Variants in ZC4H2 observed in about 807,000 individuals in gnomAD.
The protein encoded by ZC4H2 is zinc finger C4H2-type containing.
For missense variants in ZC4H2, 137 were observed against 173.9 expected (o/e 0.79, Z 1.19); for synonymous variants, 84 against 66.3 (o/e 1.27, Z -1.30).
chrX:64,991,170 T>C (rs1932300989), intron 1 of ZC4H2, among the ~76,000 whole-genome samples: 1 of 111,780 alleles, frequency 8.9e-6, no homozygotes, highest in South Asian at 3.7e-4. Flanking sequence ...GAAAATTCAG[T>C]GTAGCTGAAA....
At position 64,965,715 on chromosome X, in the gene ZC4H2, C is replaced by T. The variant is rs757553509; in HGVS notation, c.53+10610G>A. On this transcript the variant is annotated intron_variant, in intron 1 of 4. Transcript: ENST00000374839. ...CTTTGGGAAGCCATGGCGGGAGGAT[C>T]GCTTGAGCCCAGGAGTTCAAGACCA... Among the ~76,000 whole-genome samples the T allele has an allele frequency of 3.6e-5, 4 of 110,168 alleles. No homozygotes were observed. In the South Asian group the frequency reaches 1.2e-3, roughly 32 times the overall value.
intron 1 of ZC4H2, among the ~76,000 whole-genome samples, chrX:64,949,238 G>T (rs757310162): frequency 6.3e-4 from 70 of 111,788 alleles, no homozygotes; most frequent in African/African-American, 2.0e-3. Flanking sequence ...GACAATAAAA[G>T]ATTTTTCTTT....
intron 1 of ZC4H2, among the ~76,000 whole-genome samples, chrX:64,975,448 C>T (rs1434884391): frequency 1.8e-5 from 2 of 111,845 alleles, no homozygotes; most frequent in Non-Finnish European, 3.8e-5. Context: ...TCTCAGAAAA[C>T]ACTCCAGGGA....
intron 1 of ZC4H2, among the ~76,000 whole-genome samples, chrX:64,961,947 C>T (rs1029306015): frequency 8.1e-5 from 9 of 111,291 alleles, no homozygotes; most frequent in Admixed American, 1.9e-4. Context: ...AAGAAAAGGC[C>T]AGGACCAGCT....
upstream of ZC4H2, chrX:64,976,680 G>T (rs1007659939): frequency 1.9e-5 from 6 of 312,421 alleles, no homozygotes; most frequent in Admixed American, 1.0e-4. Context: ...AAGGAATGGG[G>T]ATATTCGTCT....
At chrX:65,003,455 GAC>G (rs1932590224) in intron 1 of ZC4H2, among the ~76,000 whole-genome samples, 1 of 111,459 alleles carries the variant, frequency 9.0e-6, no homozygotes, top group African/African-American at 3.3e-5. Context: ...AAGAGATAGA[GAC>G]ACAAAAAAAC....
At chrX:65,002,991 C>A (rs1932575730) in intron 1 of ZC4H2, among the ~76,000 whole-genome samples, 1 of 109,621 alleles carries the variant, frequency 9.1e-6, no homozygotes, top group African/African-American at 3.3e-5. Flanking sequence ...CTGACCTTCC[C>A]TCCACTATTG....
intron 1 of ZC4H2, among the ~76,000 whole-genome samples, chrX:64,940,326 T>A (rs1269265180): frequency 9.0e-6 from 1 of 111,433 alleles, no homozygotes; most frequent in African/African-American, 3.3e-5. Context: ...GATGGATAGA[T>A]TGTAAAAATT....
chrX:64,976,201 C>A, intron 1 of ZC4H2, 124 bp downstream of exon 1: 1 of 776,290 alleles, frequency 1.3e-6, no homozygotes, highest in Admixed American at 2.3e-5. Context: ...ACCTCTCCGG[C>A]AAGTCTGTGG....
chrX:64,943,850 A>C (rs188851267), intron 1 of ZC4H2, among the ~76,000 whole-genome samples: 1 of 111,483 alleles, frequency 9.0e-6, no homozygotes. Context: ...TAATATTGTT[A>C]TGAGTGAATC....
chrX:64,928,791 T>TTTCTTCTCCTTC (rs200029416), intron 1 of ZC4H2, among the ~76,000 whole-genome samples: 1 of 98,828 alleles, frequency 1.0e-5, no homozygotes, highest in Non-Finnish European at 2.1e-5. Flanking sequence ...TCTTCTTCTT[T>TTTCTTCTCCTTC]TTCTTCTCCT....
intron 1 of ZC4H2, among the ~76,000 whole-genome samples, chrX:64,998,214 C>T (rs1020361340): frequency 1.8e-5 from 2 of 111,478 alleles, no homozygotes; most frequent in Non-Finnish European, 3.8e-5. Context: ...AATGAAAAGG[C>T]AGAGATTGGC....
chrX:64,930,093 T>C (rs1929673674), intron 1 of ZC4H2, among the ~76,000 whole-genome samples: 1 of 111,334 alleles, frequency 9.0e-6, no homozygotes, highest in African/African-American at 3.3e-5. Context: ...ACCTCCTTGG[T>C]TATTTCTAAA....
chrX:65,021,755 T>C (rs1338704362), intron 1 of ZC4H2, among the ~76,000 whole-genome samples: 1 of 110,610 alleles, frequency 9.0e-6, no homozygotes, highest in Admixed American at 9.6e-5. Context: ...TTTGAAAAGA[T>C]TAACAAAATA....
At chrX:64,953,644 C>T (rs999770566) in intron 1 of ZC4H2, among the ~76,000 whole-genome samples, 7 of 110,786 alleles carry the variant, frequency 6.3e-5, no homozygotes, top group African/African-American at 1.3e-4. Flanking sequence ...ACCAGAATGG[C>T]GATCATTAAA....
intron 1 of ZC4H2, among the ~76,000 whole-genome samples, chrX:64,940,016 T>A (rs1930195637): frequency 9.0e-6 from 1 of 110,716 alleles, no homozygotes; most frequent in Non-Finnish European, 1.9e-5. Context: ...TGGGAGAAAA[T>A]TTTTGCAATT....
At chrX:64,972,594 T>C (rs1031802383) in intron 1 of ZC4H2, among the ~76,000 whole-genome samples, 2 of 111,795 alleles carry the variant, frequency 1.8e-5, no homozygotes, top group Admixed American at 9.5e-5. Context: ...GTGCATGCCA[T>C]GTGAATAGGA....
At chrX:64,979,517 T>C (rs1602435506), upstream of ZC4H2, among the ~76,000 whole-genome samples, 1 of 112,559 alleles carries the variant, frequency 8.9e-6, no homozygotes, top group East Asian at 2.8e-4. Flanking sequence ...TGAGAACAGA[T>C]GTCTCACCTG....
intron 1 of ZC4H2, among the ~76,000 whole-genome samples, chrX:64,936,846 T>C (rs907309170): frequency 9.0e-6 from 1 of 111,531 alleles, no homozygotes; most frequent in Admixed American, 9.6e-5. Flanking sequence ...ATTGACACTA[T>C]GAAGAAACTG....
Sources: allele counts gnomAD v4.1 joint callset (sites outside exome capture counted in the v4.1 genomes callset), GRCh38; gene constraint gnomAD v4.1.1; transcripts MANE v1.5; gene names NCBI Gene and HGNC (gene_info 2026-07-23, HGNC 2026-07-21).